NBAS: variants seen among roughly 807,000 people sequenced by gnomAD.
The protein encoded by NBAS is NBAS subunit of NRZ tethering complex.
In NBAS, 219 loss-of-function variants were observed where a neutral mutation model predicts 302.5. That is an observed-to-expected ratio of 0.72 (90% CI 0.65 to 0.81). NBAS has a LOEUF of 0.81. Ranked by LOEUF, NBAS falls within the 30% of genes least tolerant of loss-of-function variation. The pLI is 0.00. For missense variants in NBAS, 2,932 were observed against 2,841.6 expected, an observed-to-expected ratio of 1.03 and a Z score of -0.72; for synonymous variants, 1,118 against 1,021.6, an observed-to-expected ratio of 1.09 and a Z score of -1.80.
the NBAS span, among the ~76,000 whole-genome samples, chr2:14,926,445 G>A: frequency 1.2e-4 from 18 of 152,058 alleles, no homozygotes; most frequent in South Asian, 2.1e-4. Flanking sequence ...CCTCGGCTGT[G>A]TCTTGGAGTA....
At chr2:15,544,316 T>C (rs1355761618) in intron 6 of NBAS, among the ~76,000 whole-genome samples, 3 of 147,872 alleles carry the variant, frequency 2.0e-5, no homozygotes. Context: ...GGCCTAAATA[T>C]AAGAAACTCT....
At chr2:14,897,627 T>C in the NBAS span, among the ~76,000 whole-genome samples, 12 of 150,774 alleles carry the variant, frequency 8.0e-5, no homozygotes, top group East Asian at 1.4e-3. Context: ...TTTTTTTTTT[T>C]CCAAAGACAG....
chr2:14,789,719 T>C, the NBAS span, among the ~76,000 whole-genome samples: 1 of 152,218 alleles, frequency 6.6e-6, no homozygotes, highest in African/African-American at 2.4e-5. Context: ...ACCTCTCCCT[T>C]GGCCTCTGTG....
At chr2:14,974,139 T>C in the NBAS span, among the ~76,000 whole-genome samples, 2 of 152,218 alleles carry the variant, frequency 1.3e-5, no homozygotes, top group African/African-American at 4.8e-5. Flanking sequence ...TCTTACATAA[T>C]AGTTATTTAT....
At chr2:15,013,212 C>G in the NBAS span, among the ~76,000 whole-genome samples, 1 of 152,088 alleles carries the variant, frequency 6.6e-6, no homozygotes, top group Non-Finnish European at 1.5e-5. Context: ...GCTCAAAGGA[C>G]TCTTACATGT....
the NBAS span, among the ~76,000 whole-genome samples, chr2:14,891,755 C>T: frequency 6.6e-6 from 1 of 152,180 alleles, no homozygotes; most frequent in African/African-American, 2.4e-5. Context: ...GATTCTTGTC[C>T]AGAATCCAGT....
chr2:14,815,460 C>A, the NBAS span, among the ~76,000 whole-genome samples: 1 of 152,150 alleles, frequency 6.6e-6, no homozygotes, highest in Admixed American at 6.5e-5. Flanking sequence ...CCAAAGAGTG[C>A]CCATTGGGAA....
chr2:15,246,535 G>C (rs530895501), intron 44 of NBAS, among the ~76,000 whole-genome samples: 2 of 152,314 alleles, frequency 1.3e-5, no homozygotes, highest in South Asian at 4.1e-4. Flanking sequence ...CATGTCCCTG[G>C]AAAGTTGTGG....
At chr2:15,365,138 A>G (rs1674136225) in intron 32 of NBAS, among the ~76,000 whole-genome samples, 1 of 152,238 alleles carries the variant, frequency 6.6e-6, no homozygotes, top group South Asian at 2.1e-4. Context: ...GGCAGCAGCT[A>G]TGTGTAACAG....
intron 32 of NBAS, among the ~76,000 whole-genome samples, chr2:15,364,554 G>T (rs1259300676): frequency 6.6e-6 from 1 of 152,036 alleles, no homozygotes; most frequent in Non-Finnish European, 1.5e-5. Context: ...AAAATGCCTT[G>T]AAGATTTTGC....
chr2:15,092,547 T>C, the NBAS span, among the ~76,000 whole-genome samples: 1 of 152,158 alleles, frequency 6.6e-6, no homozygotes. Flanking sequence ...CTCCACATTT[T>C]GTACTGCAAA....
chr2:15,528,899 G>GTGTGTATATATATATA (rs70961417), intron 9 of NBAS, among the ~76,000 whole-genome samples: 6 of 122,244 alleles, frequency 4.9e-5, no homozygotes, highest in African/African-American at 1.5e-4. Context: ...ATATATATAT[G>GTGTGTATATATATATA]TGTGTATATA....
At chr2:15,467,606 A>G in intron 18 of NBAS, 58 bp downstream of exon 18, 1 of 1,516,816 alleles carries the variant, frequency 6.6e-7, no homozygotes, top group Non-Finnish European at 9.1e-7. Flanking sequence ...TAAGGAACAC[A>G]CTGAAATGAT....
chr2:15,394,991 A>T (rs148194877), intron 27 of NBAS, among the ~76,000 whole-genome samples: 3 of 152,220 alleles, frequency 2.0e-5, no homozygotes, highest in Non-Finnish European at 4.4e-5. Context: ...GTAACTCTTC[A>T]GAATATAGGT....
At chr2:15,305,329 C>T (rs1271162238) in intron 40 of NBAS, among the ~76,000 whole-genome samples, 1 of 152,030 alleles carries the variant, frequency 6.6e-6, no homozygotes. Flanking sequence ...AAGAAAGTGC[C>T]TTGGTTCCTG....
chr2:15,343,566 G>C (rs1017827309), intron 35 of NBAS, among the ~76,000 whole-genome samples: 6 of 152,130 alleles, frequency 3.9e-5, no homozygotes, highest in African/African-American at 1.4e-4. Context: ...GAAAGAATAA[G>C]TATCATAAGA....
rs760715080 is a variant in NBAS at position 15,278,741 on chromosome 2, AG to A, written c.5139-1641del. Among the ~76,000 whole-genome samples the A allele has an allele frequency of 3.9e-5, 6 of 152,214 alleles. No homozygotes were observed. The East Asian group carries it at 1.2e-3, about 29-fold the overall frequency. ...CAGTTAAATAATGATGCAAAACAATAGTATCACCTGACAAAGGGCACAAAAT... is the reference window on the plus strand; with the variant it reads ...CAGTTAAATAATGATGCAAAACAATATATCACCTGACAAAGGGCACAAAAT... On this transcript the variant is annotated intron_variant, in intron 42 of 51. Transcript: ENST00000281513.
At chr2:15,240,446 C>CAAAAAAA (rs1175235771) in intron 44 of NBAS, among the ~76,000 whole-genome samples, 1 of 75,352 alleles carries the variant, frequency 1.3e-5, no homozygotes. Flanking sequence ...ACTAAAAATA[C>CAAAAAAA]AAAAAAAAAA....
rs2302942 is a variant in NBAS at position 15,190,329 on chromosome 2, G to A, written c.6507C>T (p.His2169=). The A allele has an allele frequency of 6.4e-4, 1,027 of 1,613,960 alleles. 12 individuals carry two copies. In the East Asian group the frequency reaches 0.019, roughly 30 times the overall value. The change falls in exon 49 of 52, where the codon CAC becomes CAT. Residue 2169 remains histidine, a synonymous_variant. Transcript: ENST00000281513. ...AAACCAAGTGCTGAAATTCAGCCTC[G>A]TGGTGACTAGATTCCAGGAGTTCCA... ...LFMELLESSH[H]EAEFQHLVLL...
Sources: allele counts gnomAD v4.1 joint callset (sites outside exome capture counted in the v4.1 genomes callset), GRCh38; gene constraint gnomAD v4.1.1; transcripts MANE v1.5; gene names NCBI Gene and HGNC (gene_info 2026-07-23, HGNC 2026-07-21).